The following TEX2 variants were observed in gnomAD, a reference collection of about 807,000 sequenced individuals.
TEX2 encodes the protein testis expressed 2.
Under a neutral mutation model 106.9 loss-of-function variants are expected in TEX2, and 53 were observed. That is an observed-to-expected ratio of 0.50 (90% CI 0.40 to 0.62). The LOEUF (loss-of-function observed/expected upper bound fraction) is 0.62, where lower values mean the gene tolerates loss of function less well. TEX2 is among the 20% of genes least tolerant of loss of function. TEX2 has a pLI of 0.00. For synonymous variants in TEX2, 523 were observed against 534.8 expected, an observed-to-expected ratio of 0.98 and a Z score of 0.30; for missense variants, 1,207 against 1,379.0, an observed-to-expected ratio of 0.88 and a Z score of 1.98.
chr17:64,186,386 G>A (rs910669677), intron 5 of TEX2, among the ~76,000 whole-genome samples: 3 of 152,176 alleles, frequency 2.0e-5, no homozygotes, highest in Admixed American at 6.5e-5. Context: ...CAGGCCAGCA[G>A]AGGCATATGG....
chr17:64,230,835 C>G (rs1321198786), intron 1 of TEX2: 4 of 152,170 alleles, frequency 2.6e-5, no homozygotes, highest in Non-Finnish European at 5.9e-5. Flanking sequence ...ACTTAGAGTC[C>G]TACTTTTCTC....
chr17:64,236,421 T>C (rs1555635146), intron 1 of TEX2, among the ~76,000 whole-genome samples: 1 of 152,130 alleles, frequency 6.6e-6, no homozygotes, highest in African/African-American at 2.4e-5. Context: ...AAAAATTAGC[T>C]GGGTGTGATG....
intron 1 of TEX2, among the ~76,000 whole-genome samples, chr17:64,243,912 G>A (rs950043305): frequency 4.6e-5 from 7 of 151,142 alleles, no homozygotes; most frequent in East Asian, 2.0e-4. Flanking sequence ...GGGTTCAAGC[G>A]ATTCTCCTGC....
intron 7 of TEX2, among the ~76,000 whole-genome samples, chr17:64,163,828 T>C (rs556291872): frequency 7.2e-5 from 11 of 152,358 alleles, no homozygotes; most frequent in Admixed American, 6.5e-4. Flanking sequence ...CCCAGCTAAA[T>C]GCTACTTAAT....
rs781911990 is a variant in TEX2 at position 64,212,731 on chromosome 17, C to G, written c.1487G>C (p.Ser496Thr). The G allele has an allele frequency of 2.4e-5, 39 of 1,614,066 alleles. No individual in the cohort carries two copies. The highest frequency in any genetic ancestry group is 3.1e-5 in the Non-Finnish European group (37 of 1,180,044). ...YLILPLPHYVSGLFLGIGLGF... is the reference protein window; with the variant it reads ...YLILPLPHYVTGLFLGIGLGF... The stretch of plus-strand genomic sequence containing the variant: ...AAGGCCAATTCCCAGAAAGAGTCCA[C>G]TCACATAGTGGGGGAGGGGGAGGAT... Residue 496 changes from serine to threonine, a missense_variant, in exon 2 of 12, where the codon AGT becomes ACT. Physicochemically the swap from Ser to Thr is moderately conservative, Grantham distance 58 (BLOSUM62 1). This residue lies in a region of TEX2 where 1,067 missense variants were observed against 1,193.6 expected (regional missense o/e 0.89). Coordinates refer to ENST00000584379, the MANE Select transcript of TEX2 (RefSeq NM_001288732.2).
intron 2 of TEX2, among the ~76,000 whole-genome samples, chr17:64,204,008 A>C (rs1401602324): frequency 6.6e-6 from 1 of 152,254 alleles, no homozygotes; most frequent in Admixed American, 6.5e-5. Context: ...CAAATTAGAA[A>C]GGTAAAATGA....
chr17:64,170,850 G>A (rs924791633), intron 7 of TEX2, among the ~76,000 whole-genome samples: 1 of 152,064 alleles, frequency 6.6e-6, no homozygotes. Flanking sequence ...GGCCAGGCTG[G>A]CCTCGAATTC....
intron 5 of TEX2, among the ~76,000 whole-genome samples, chr17:64,184,981 C>A (rs1012302457): frequency 1.3e-5 from 2 of 152,118 alleles, no homozygotes; most frequent in African/African-American, 2.4e-5. Context: ...GTTTAAAAAG[C>A]CTACTTTGTG....
chr17:64,193,926 G>A (rs1252646757), intron 3 of TEX2, 37 bp from the exon 4 acceptor site: 3 of 1,447,194 alleles, frequency 2.1e-6, no homozygotes, highest in Non-Finnish European at 2.8e-6. Flanking sequence ...ATATATTAAA[G>A]ATTGGCTACA....
At chr17:64,177,587 T>C (rs991720943) in intron 5 of TEX2, 116 bp from the exon 6 acceptor site, 2 of 1,046,348 alleles carry the variant, frequency 1.9e-6, no homozygotes, top group Non-Finnish European at 2.8e-6. Context: ...ACCACACGAG[T>C]CATACTCCTT....
chr17:64,228,751 G>A (rs782217925), intron 1 of TEX2, among the ~76,000 whole-genome samples: 1 of 152,210 alleles, frequency 6.6e-6, no homozygotes, highest in Non-Finnish European at 1.5e-5. Flanking sequence ...GGTTTAGAAC[G>A]TATCTTTCCA....
At chr17:64,211,430 T>C (rs1032276304) in intron 2 of TEX2, among the ~76,000 whole-genome samples, 16 of 152,116 alleles carry the variant, frequency 1.1e-4, no homozygotes, top group Non-Finnish European at 5.9e-5. Context: ...TTCCACCTTA[T>C]CTCTAAAAAC....
chr17:64,257,830 C>A (rs899369549), intron 1 of TEX2, among the ~76,000 whole-genome samples: 1 of 152,128 alleles, frequency 6.6e-6, no homozygotes, highest in African/African-American at 2.4e-5. Context: ...AGGAAAAAAT[C>A]TTGTACTGAG....
intron 8 of TEX2, among the ~76,000 whole-genome samples, chr17:64,159,419 G>A (rs2030783348): frequency 6.6e-6 from 1 of 152,142 alleles, no homozygotes; most frequent in Non-Finnish European, 1.5e-5. Context: ...ATGCGTGGGG[G>A]TGGGGTGGGG....
At chr17:64,215,783 G>C (rs1450031274) in intron 1 of TEX2, among the ~76,000 whole-genome samples, 2 of 152,180 alleles carry the variant, frequency 1.3e-5, no homozygotes, top group East Asian at 3.8e-4. Flanking sequence ...TATGTGGCTT[G>C]CTTATTTCTT....
chr17:64,170,620 A>ATCTTT (rs2031340358), intron 7 of TEX2, among the ~76,000 whole-genome samples: 1 of 56,548 alleles, frequency 1.8e-5, no homozygotes, highest in Non-Finnish European at 3.7e-5. Context: ...TCTATTCCAA[A>ATCTTT]TCTTTTTTTT....
intron 1 of TEX2, among the ~76,000 whole-genome samples, chr17:64,255,525 C>T (rs922283538): frequency 3.1e-4 from 47 of 152,150 alleles, no homozygotes; most frequent in African/African-American, 1.1e-3. Flanking sequence ...TAATAGATGC[C>T]TGATATCCAT....
At chr17:64,190,102 C>T (rs977331169) in intron 4 of TEX2, among the ~76,000 whole-genome samples, 13 of 152,096 alleles carry the variant, frequency 8.5e-5, no homozygotes, top group Admixed American at 2.6e-4. Flanking sequence ...CAAAGGGTCA[C>T]GCAAGCCATT....
chr17:64,186,825 C>CA (rs137887178), intron 5 of TEX2, among the ~76,000 whole-genome samples: 16,878 of 150,386 alleles, frequency 0.11, 1,048 homozygotes, highest in African/African-American at 0.14. Flanking sequence ...GACCTTGTCT[C>CA]AAAAAAAAAG....
Sources: allele counts gnomAD v4.1 joint callset (sites outside exome capture counted in the v4.1 genomes callset), GRCh38; gene constraint gnomAD v4.1.1; regional missense constraint gnomAD v4.1.1; transcripts MANE v1.5; gene names NCBI Gene and HGNC (gene_info 2026-07-23, HGNC 2026-07-21).